The following LRCH2 variants were observed in gnomAD, a reference collection of about 807,000 sequenced individuals.
LRCH2 encodes the protein leucine rich repeats and calponin homology domain containing 2, also known as leucine-rich repeat and calponin homology domain-containing protein 2.
LRCH2 carries 38 observed loss-of-function variants against 68.9 expected under a neutral mutation model. That is an observed-to-expected ratio of 0.55 (90% confidence interval 0.43 to 0.72). The LOEUF (loss-of-function observed/expected upper bound fraction) is 0.72. Among genes scored for constraint, LRCH2 ranks in the 30% least tolerant of loss-of-function variants. The pLI is 0.00. For synonymous variants in LRCH2, 191 were observed against 208.1 expected (o/e 0.92, Z 0.71); for missense variants, 528 against 572.9 (o/e 0.92, Z 0.80).
intron 1 of LRCH2, among the ~76,000 whole-genome samples, chrX:115,197,847 T>TCTCTCTCTCTCTCTCTCACA (rs782358260): frequency 0.026 from 543 of 20,563 alleles, 57 homozygotes; most frequent in Middle Eastern, 0.034. Flanking sequence ...TCTCTCTCTC[T>TCTCTCTCTCTCTCTCTCACA]CACACACACA....
At chrX:115,232,858 C>T (rs1172295186) in intron 1 of LRCH2, among the ~76,000 whole-genome samples, 1 of 111,459 alleles carries the variant, frequency 9.0e-6, no homozygotes, top group Non-Finnish European at 1.9e-5. Flanking sequence ...ACAAAAAATG[C>T]CAGCCACAAC....
In LRCH2 at chrX:115,179,419, T is replaced by A; in HGVS notation, c.864+8A>T. 1 of 1,087,159 alleles carries A rather than the reference T, an allele frequency of 9.2e-7. No homozygotes were observed. Among genetic ancestry groups the A allele is most frequent in the East Asian group, 3.4e-5 (1 of 29,428 alleles). 89.6% of individuals were successfully genotyped at this position (1,087,159 alleles called of 1,213,427 possible). A position where few individuals can be genotyped will look rare whatever the true frequency, so the allele number is the denominator to read the frequency against. On this transcript the variant is annotated splice_region_variant and intron_variant, in intron 5 of 20. Coordinates refer to ENST00000317135, the MANE Select transcript of LRCH2 (RefSeq NM_020871.4). Reference sequence around the variant, plus strand: ...GAGAAGAAACATTATAATATTTTTATTACAAACCTGTGCTGGTGGTACTTG... The same window carrying A: ...GAGAAGAAACATTATAATATTTTTAATACAAACCTGTGCTGGTGGTACTTG...
At chrX:115,162,234 T>TA (rs1227457382) in intron 11 of LRCH2, among the ~76,000 whole-genome samples, 1 of 111,216 alleles carries the variant, frequency 9.0e-6, no homozygotes, top group African/African-American at 3.3e-5. Flanking sequence ...TGTGGGTTCT[T>TA]AAAAAAACAA....
chrX:115,221,595 CAAAT>C (rs1414868075), intron 1 of LRCH2, among the ~76,000 whole-genome samples: 1 of 111,296 alleles, frequency 9.0e-6, no homozygotes, highest in African/African-American at 3.3e-5. Flanking sequence ...TCACTATACT[CAAAT>C]AACTCTAAAA....
At chrX:115,217,902 C>T (rs1556572105) in intron 1 of LRCH2, among the ~76,000 whole-genome samples, 3 of 112,058 alleles carry the variant, frequency 2.7e-5, no homozygotes, top group Non-Finnish European at 5.6e-5. Context: ...TGTTTCCTGA[C>T]TTTTTAATGA....
At chrX:115,165,139 G>T (rs2072547690) in intron 10 of LRCH2, among the ~76,000 whole-genome samples, 1 of 109,907 alleles carries the variant, frequency 9.1e-6, no homozygotes, top group Admixed American at 9.8e-5. Context: ...GTATATGACG[G>T]TATAGTCCTC....
chrX:115,174,880 A>C (rs1556549553), intron 5 of LRCH2, among the ~76,000 whole-genome samples: 1 of 111,362 alleles, frequency 9.0e-6, no homozygotes, highest in Non-Finnish European at 1.9e-5. Flanking sequence ...GGTGGCTGGG[A>C]GCTCCTGGAT....
intron 1 of LRCH2, among the ~76,000 whole-genome samples, chrX:115,231,126 A>T (rs1017599803): frequency 9.0e-6 from 1 of 111,709 alleles, no homozygotes; most frequent in South Asian, 3.7e-4. Flanking sequence ...CACCTAGATT[A>T]ACATTAACCG....
Position 115,189,736 on chromosome X carries a change from C to T in LRCH2, c.350-1366G>A, listed in dbSNP as rs1258651963. 23 of 1,165,696 alleles carry T rather than the reference C, an allele frequency of 2.0e-5. No homozygotes were observed. The East Asian group carries it at 6.9e-4, about 35-fold the overall frequency. ...GAGCAGCCGATGGGTCCCGCCAACC[C>T]CCGGCAGCGGCAGTCGCTCAAGGTT... On this transcript the variant is annotated intron_variant, in intron 1 of 20. Coordinates refer to ENST00000317135, the MANE Select transcript of LRCH2 (RefSeq NM_020871.4).
chrX:115,123,732 A>C (rs1603021669), intron 17 of LRCH2, among the ~76,000 whole-genome samples: 1 of 111,449 alleles, frequency 9.0e-6, no homozygotes, highest in Non-Finnish European at 1.9e-5. Flanking sequence ...AGTATATCTA[A>C]GGCAAAAAGC....
Position 115,191,232 on chromosome X carries a change from C to T in LRCH2, c.350-2862G>A, listed in dbSNP as rs1398887697. The T allele has an allele frequency of 6.9e-6, 8 of 1,154,226 alleles. No homozygotes were observed. In the Admixed American group the frequency reaches 8.1e-5, roughly 12 times the overall value. Reference sequence around the variant, plus strand: ...GCTGCTACGAGGAGTACCGAGGCCGCTCCCTCGATGCCAACAGTGGAGGCC... The same window carrying T: ...GCTGCTACGAGGAGTACCGAGGCCGTTCCCTCGATGCCAACAGTGGAGGCC... On this transcript the variant is annotated intron_variant, in intron 1 of 20. Coordinates refer to ENST00000317135, the MANE Select transcript of LRCH2 (RefSeq NM_020871.4).
chrX:115,180,565 A>T (rs1393330136), intron 3 of LRCH2, among the ~76,000 whole-genome samples: 4 of 111,855 alleles, frequency 3.6e-5, no homozygotes, highest in Admixed American at 9.5e-5. Context: ...CTCAGACAGT[A>T]ATCATTCCAG....
intron 1 of LRCH2, among the ~76,000 whole-genome samples, chrX:115,212,700 G>C (rs2073016226): frequency 9.1e-6 from 1 of 109,608 alleles, no homozygotes; most frequent in Non-Finnish European, 1.9e-5. Context: ...GGTGGGGGCA[G>C]TGGCTCATAT....
chrX:115,174,449 C>A (rs944960880), intron 5 of LRCH2, among the ~76,000 whole-genome samples: 2 of 108,781 alleles, frequency 1.8e-5, no homozygotes, highest in Admixed American at 2.0e-4. Flanking sequence ...TCCACATATA[C>A]GTGAGATCAC....
At position 115,170,494 on chromosome X, in the gene LRCH2, T is replaced by G. The variant is rs782650513; in HGVS notation, c.865-62A>C. On this transcript the variant is annotated intron_variant, in intron 5 of 20. Transcript: ENST00000317135. ...CAAATATAAATGACATCTATCATTT[T>G]AAACCATTCAATAGTCTCAAATTAC... 29 of 915,997 alleles carry G rather than the reference T, an allele frequency of 3.2e-5. No individual in the cohort carries two copies. In the South Asian group the frequency reaches 5.4e-4, roughly 17 times the overall value. 75.5% of individuals were successfully genotyped at this position (915,997 alleles called of 1,213,427 possible).
At chrX:115,207,707 G>A (rs1257320148) in intron 1 of LRCH2, among the ~76,000 whole-genome samples, 1 of 111,961 alleles carries the variant, frequency 8.9e-6, no homozygotes, top group African/African-American at 3.2e-5. Context: ...ACATTAAAAT[G>A]TGTATTTATC....
intron 20 of LRCH2, among the ~76,000 whole-genome samples, chrX:115,113,887 C>G (rs1306321291): frequency 1.8e-5 from 2 of 111,224 alleles, no homozygotes; most frequent in African/African-American, 6.5e-5. Context: ...CTCACCGATC[C>G]TCTTCCAACA....
At chrX:115,222,490 T>C (rs1488276307) in intron 1 of LRCH2, among the ~76,000 whole-genome samples, 1 of 111,950 alleles carries the variant, frequency 8.9e-6, no homozygotes, top group Non-Finnish European at 1.9e-5. Flanking sequence ...TGACATGACA[T>C]AGAACACCCT....
chrX:115,190,279 A>C, intron 1 of LRCH2: 1 of 1,152,328 alleles, frequency 8.7e-7, no homozygotes, highest in Non-Finnish European at 1.2e-6. Context: ...AGGCGACGGC[A>C]ACCAAAATGG....
Sources: gnomAD v4.1 joint callset for allele counts (sites outside exome capture counted in the v4.1 genomes callset) on GRCh38, gnomAD v4.1.1 for gene constraint, MANE v1.5 for transcripts, NCBI Gene and HGNC (gene_info 2026-07-23, HGNC 2026-07-21) for gene names.